Variants in CSMD2 observed in about 807,000 individuals in gnomAD.
The protein encoded by CSMD2 is CUB and Sushi multiple domains 2, also known as CUB and sushi domain-containing protein 2.
CSMD2 carries 130 observed loss-of-function variants against 398.5 expected under a neutral mutation model. The ratio of observed to expected loss-of-function variants is 0.33; its 90% CI spans 0.28 to 0.38. The LOEUF (loss-of-function observed/expected upper bound fraction) is 0.38. Ranked by LOEUF, CSMD2 falls within the 10% of genes least tolerant of loss-of-function variation. The pLI is 1.00. For synonymous variants in CSMD2, 1,828 were observed against 1,908.5 expected, an observed-to-expected ratio of 0.96 and a Z score of 1.10; for missense variants, 3,829 against 4,764.9, an observed-to-expected ratio of 0.80 and a Z score of 5.78.
At chr1:34,095,814 C>T (rs1195411018) in intron 1 of CSMD2, among the ~76,000 whole-genome samples, 1 of 149,168 alleles carries the variant, frequency 6.7e-6, no homozygotes. Flanking sequence ...GATTCACAGC[C>T]GAATTCTACC....
At position 34,090,982 on chromosome 1, in the gene CSMD2, A is replaced by G. The variant is rs61769762; in HGVS notation, c.188-1789T>C. Among the ~76,000 whole-genome samples, 621 of 151,958 alleles carry G rather than the reference A, an allele frequency of 4.1e-3. 2 individuals carry two copies. Among genetic ancestry groups the G allele is most frequent in the South Asian group, 0.022 (108 of 4,808 alleles). On this transcript the variant is annotated intron_variant, in intron 1 of 70. Transcript: ENST00000373381. ...CACTCTTGCACTGCAGAGCCACAGG[A>G]CCTTTGCGCGGTTCTCTCTGCCTAC...
intron 5 of CSMD2, among the ~76,000 whole-genome samples, chr1:33,865,369 A>C (rs941287590): frequency 1.3e-5 from 2 of 150,404 alleles, no homozygotes; most frequent in African/African-American, 4.9e-5. Flanking sequence ...GGTGTTCCCT[A>C]ATCAGGAGGA....
chr1:34,002,248 TA>T (rs1429772082), intron 3 of CSMD2, among the ~76,000 whole-genome samples: 1 of 152,238 alleles, frequency 6.6e-6, no homozygotes, highest in Non-Finnish European at 1.5e-5. Flanking sequence ...GTAGTGATTA[TA>T]AAATATCTCA....
At chr1:33,681,091 AT>A (rs1644896696) in intron 25 of CSMD2, among the ~76,000 whole-genome samples, 3 of 151,206 alleles carry the variant, frequency 2.0e-5, no homozygotes, top group Admixed American at 2.0e-4. Context: ...TGCCTGGCTA[AT>A]TTTTCTATTT....
intron 13 of CSMD2, among the ~76,000 whole-genome samples, chr1:33,759,650 CAAGT>C (rs975281635): frequency 6.6e-6 from 1 of 151,806 alleles, no homozygotes; most frequent in African/African-American, 2.4e-5. Flanking sequence ...AAGTCAGTGA[CAAGT>C]AAGAAAAAAA....
intron 25 of CSMD2, among the ~76,000 whole-genome samples, chr1:33,668,533 G>A (rs1349724607): frequency 6.6e-6 from 1 of 152,186 alleles, no homozygotes; most frequent in Non-Finnish European, 1.5e-5. Context: ...GTCTATAAAT[G>A]CTAATGAGCA....
chr1:33,654,431 C>T (rs1339285848), intron 27 of CSMD2, among the ~76,000 whole-genome samples: 1 of 152,138 alleles, frequency 6.6e-6, no homozygotes, highest in African/African-American at 2.4e-5. Context: ...TAGCAGTAGC[C>T]AGAGTAGAGG....
chr1:33,992,106 C>T (rs1287803083), intron 3 of CSMD2, among the ~76,000 whole-genome samples: 2 of 152,264 alleles, frequency 1.3e-5, no homozygotes, highest in African/African-American at 2.4e-5. Flanking sequence ...GGGGAATCAA[C>T]CCAGGTGGTT....
At chr1:33,729,617 C>T (rs1004125414) in intron 15 of CSMD2, among the ~76,000 whole-genome samples, 3 of 151,616 alleles carry the variant, frequency 2.0e-5, no homozygotes, top group Non-Finnish European at 4.4e-5. Context: ...TCTCCTAAAG[C>T]TATCCCTCCC....
intron 48 of CSMD2, among the ~76,000 whole-genome samples, chr1:33,578,358 A>C (rs1638441249): frequency 6.6e-6 from 1 of 152,224 alleles, no homozygotes; most frequent in African/African-American, 2.4e-5. Flanking sequence ...CCAGTGGATC[A>C]CTTGAGGCCA....
chr1:33,880,867 C>T (rs1392346863), intron 5 of CSMD2, among the ~76,000 whole-genome samples: 2 of 152,322 alleles, frequency 1.3e-5, no homozygotes, highest in South Asian at 2.1e-4. Flanking sequence ...TCTCTGGGCT[C>T]ATACTTGAAA....
At position 33,772,544 on chromosome 1, in the gene CSMD2, C is replaced by A. The variant is rs369327940; in HGVS notation, c.1846+25G>T. 4.4e-6 allele frequency: 7 copies of A among 1,599,120 alleles called. No homozygotes were observed. The Admixed American group carries it at 1.0e-4, about 23-fold the overall frequency. ...CCCTGCCTCTCAGTGAAGACCCTGG[C>A]GTGGCCTCCTCCCTGCTCACTTACA... On this transcript the variant is annotated intron_variant, in intron 13 of 70. Coordinates refer to ENST00000373381, the MANE Select transcript of CSMD2 (RefSeq NM_001281956.2).
intron 17 of CSMD2, 32 bp downstream of exon 17, chr1:33,725,317 T>A (rs768312685): frequency 3.7e-6 from 6 of 1,603,174 alleles, no homozygotes; most frequent in Non-Finnish European, 5.1e-6. Context: ...GCTGACCTTG[T>A]CATCCCTTTT....
chr1:33,724,426 G>A, intron 18 of CSMD2, 90 bp downstream of exon 18: 4 of 1,535,222 alleles, frequency 2.6e-6, no homozygotes, highest in East Asian at 4.6e-5. Context: ...TCGCTGATGG[G>A]GTGAGGGAGT....
Position 33,557,792 on chromosome 1 carries a change from G to T in CSMD2, c.8685C>A (p.Thr2895=). Residue 2895 remains threonine, a synonymous_variant, in exon 55 of 71, where the codon ACC becomes ACA. Coordinates refer to ENST00000373381, the MANE Select transcript of CSMD2 (RefSeq NM_001281956.2). ...CATCTCCCTGGCAGCTGAGCACTGG[G>T]GTGCCCAGGAGGTAGAAGCCGTGGT... ...RCNHGFYLLG[T]PVLSCQGDGT... 1 of 1,536,082 alleles carries T rather than the reference G, an allele frequency of 6.5e-7. No homozygotes were observed. The highest frequency in any genetic ancestry group is 2.4e-5 in the East Asian group (1 of 40,888).
chr1:33,825,255 A>G (rs1016423698), intron 7 of CSMD2, among the ~76,000 whole-genome samples: 2 of 152,070 alleles, frequency 1.3e-5, no homozygotes, highest in African/African-American at 4.8e-5. Flanking sequence ...GGAGGTTACT[A>G]GGCATTCCCC....
At chr1:33,520,833 GT>G (rs1235979412) in intron 68 of CSMD2, among the ~76,000 whole-genome samples, 2 of 152,068 alleles carry the variant, frequency 1.3e-5, no homozygotes, top group Non-Finnish European at 2.9e-5. Context: ...GCTGCCTCCT[GT>G]TTCCCCCTCC....
chr1:33,821,676 C>T (rs1482861656), intron 7 of CSMD2, among the ~76,000 whole-genome samples: 1 of 152,202 alleles, frequency 6.6e-6, no homozygotes, highest in Non-Finnish European at 1.5e-5. Context: ...GTGTACAAGG[C>T]TTTATTTGGA....
intron 3 of CSMD2, among the ~76,000 whole-genome samples, chr1:33,984,129 G>A (rs1646266079): frequency 6.6e-6 from 1 of 151,406 alleles, no homozygotes. Flanking sequence ...ACTCCAGCCT[G>A]GGTGACAGAG....
Sources: allele counts gnomAD v4.1 joint callset (sites outside exome capture counted in the v4.1 genomes callset), GRCh38; gene constraint gnomAD v4.1.1; transcripts MANE v1.5; gene names NCBI Gene and HGNC (gene_info 2026-07-23, HGNC 2026-07-21).